SYNE2: variants seen among roughly 807,000 people sequenced by gnomAD.
The protein encoded by SYNE2 is nesprin-2.
Under a neutral mutation model 856.3 loss-of-function variants are expected in SYNE2, and 431 were observed. That is an observed-to-expected ratio of 0.50 (90% CI 0.47 to 0.55). SYNE2 has a LOEUF of 0.55. SYNE2 is among the 20% of genes least tolerant of loss of function. The pLI is 0.00. For missense variants in SYNE2, 8,129 were observed against 8,023.2 expected (o/e 1.01, Z -0.50); for synonymous variants, 2,923 against 2,872.3 (o/e 1.02, Z -0.56).
At chr14:64,076,905 G>A (rs188907177) in intron 54 of SYNE2, among the ~76,000 whole-genome samples, 4 of 151,954 alleles carry the variant, frequency 2.6e-5, no homozygotes, top group East Asian at 3.8e-4. Flanking sequence ...AACTCTTAAC[G>A]TATATTTATA....
chr14:63,956,151 C>A (rs569275567), intron 8 of SYNE2, among the ~76,000 whole-genome samples: 1 of 152,300 alleles, frequency 6.6e-6, no homozygotes, highest in Non-Finnish European at 1.5e-5. Context: ...CATTTGCAGA[C>A]TTCTGTGTGA....
chr14:64,145,002 C>T (rs1246981751), intron 83 of SYNE2, among the ~76,000 whole-genome samples: 1 of 149,420 alleles, frequency 6.7e-6, no homozygotes, highest in Non-Finnish European at 1.5e-5. Flanking sequence ...TCTCGGCTCA[C>T]TGCAACTTCC....
rs1441067424 is a variant in SYNE2, at chr14:64,051,820, A to G, written c.7907A>G (p.Gln2636Arg). Residue 2636 changes from glutamine (Q) to arginine (R), a missense_variant, in exon 48 of 116, where the codon CAG becomes CGG. By Grantham distance (43) the Gln-to-Arg change is conservative. Around this residue, in one of 3 missense-constraint regions of SYNE2, gnomAD observed 5,410 missense variants for 5,284.8 expected, o/e 1.02. Transcript: ENST00000555002. Reference sequence around the variant, plus strand: ...TTTACAACCCTCATGAATAAGGTACAGGACACTGAGATTTCTCTGCAACAG... The same window carrying G: ...TTTACAACCCTCATGAATAAGGTACGGGACACTGAGATTTCTCTGCAACAG... ...DEFTTLMNKV[Q>R]DTEISLQQQQ... is the part of the protein sequence containing the mutation. The G allele has an allele frequency of 6.2e-7, 1 of 1,614,146 alleles. No homozygotes were observed.
In SYNE2 at chr14:64,027,596, C is replaced by A. The variant is rs993825442; in HGVS notation, c.6517C>A (p.His2173Asn). Residue 2173 changes from histidine to asparagine, a missense_variant, in exon 43 of 116, where the codon CAT becomes AAT. By Grantham distance (68) the His-to-Asn change is moderately conservative (BLOSUM62 1). Around this residue, in one of 3 missense-constraint regions of SYNE2, gnomAD observed 297 missense variants for 380.9 expected, o/e 0.78. Transcript: ENST00000555002. ...KKQEAGFALQHGLQEKKAQLK... is the reference protein window; with the variant it reads ...KKQEAGFALQNGLQEKKAQLK... The stretch of plus-strand genomic sequence containing the variant: ...ACAGGAAGCAGGCTTTGCTCTACAA[C>A]ATGGTCTGCAGGAGAAGAAAGCTCA... The A allele has an allele frequency of 6.2e-7, 1 of 1,613,944 alleles. No individual in the cohort carries two copies. The highest frequency in any genetic ancestry group is 1.7e-5 in the Admixed American group (1 of 60,008).
At chr14:64,024,491 G>A (rs1181511414) in intron 39 of SYNE2, 32 bp downstream of exon 39, 5 of 1,590,934 alleles carry the variant, frequency 3.1e-6, no homozygotes, top group East Asian at 2.2e-5. Flanking sequence ...TAAATAACAT[G>A]TTTTCTAACC....
rs1422930999 is a variant in SYNE2, at chr14:64,076,023, A to G, written c.10945A>G (p.Met3649Val). Residue 3649 changes from methionine (M) to valine (V), a missense_variant, in exon 54 of 116, where the codon ATG becomes GTG. Physicochemically the swap from Met to Val is conservative, Grantham distance 21. Transcript: ENST00000555002. ...AAAACTGCGAATCAAGTATTCCGAAATGTACACCATAGTCCCTGCAGAGAT... is the reference window on the plus strand; with the variant it reads ...AAAACTGCGAATCAAGTATTCCGAAGTGTACACCATAGTCCCTGCAGAGAT... ...MEKLRIKYSEMYTIVPAEIES... is the reference protein window; with the variant it reads ...MEKLRIKYSEVYTIVPAEIES... 9 of 1,613,884 alleles carry G rather than the reference A, an allele frequency of 5.6e-6. No individual in the cohort carries two copies. The Admixed American group carries it at 8.3e-5, about 15-fold the overall frequency.
intron 2 of SYNE2, among the ~76,000 whole-genome samples, chr14:63,939,646 C>T (rs1017450194): frequency 6.6e-6 from 1 of 152,186 alleles, no homozygotes; most frequent in African/African-American, 2.4e-5. Flanking sequence ...CCACATCCGA[C>T]CCCTACCTGT....
At chr14:64,009,211 A>G (rs577115209) in intron 31 of SYNE2, among the ~76,000 whole-genome samples, 1 of 152,218 alleles carries the variant, frequency 6.6e-6, no homozygotes, top group East Asian at 1.9e-4. Flanking sequence ...ACGTTTTAAA[A>G]AAGACTAAAT....
intron 1 of SYNE2, among the ~76,000 whole-genome samples, chr14:63,876,589 G>A (rs1228232909): frequency 1.3e-5 from 2 of 151,544 alleles, no homozygotes; most frequent in African/African-American, 4.9e-5. Flanking sequence ...CCAGGTTCAT[G>A]CCATTCTCCT....
chr14:63,992,066 G>A (rs1023674614), intron 21 of SYNE2, among the ~76,000 whole-genome samples: 1 of 151,846 alleles, frequency 6.6e-6, no homozygotes, highest in Admixed American at 6.6e-5. Context: ...TTGATCTCAC[G>A]CCGTTTGAAT....
chr14:63,966,976 C>A lies in SYNE2; in HGVS notation c.991-733C>A, dbSNP rs561243080. 7.2e-5 allele frequency among the ~76,000 whole-genome samples: 11 copies of A among 152,210 alleles called. No homozygotes were observed. The East Asian group carries it at 2.1e-3, about 29-fold the overall frequency. ...TGCCTCCCTGGTTCAAGCGATTCTC[C>A]TGCCTCAGCCTCCCGAGTAGCTGGG... On this transcript the variant is annotated intron_variant, in intron 10 of 115. Transcript: ENST00000555002.
chr14:64,052,879 C>T lies in SYNE2; in HGVS notation c.8966C>T (p.Thr2989Ile), dbSNP rs754835013. The change falls in exon 48 of 116, where the codon ACC becomes ATC. Residue 2989 changes from threonine (T) to isoleucine (I), a missense_variant. Physicochemically the swap from Thr to Ile is moderately conservative, Grantham distance 89 (BLOSUM62 -1). Coordinates refer to ENST00000555002, the MANE Select transcript of SYNE2 (RefSeq NM_182914.3). Reference sequence around the variant, plus strand: ...ATCTATAATCTTAAAGACAGACTCACCGCTATTAAGTGTTGCATCTTACAG... The same window carrying T: ...ATCTATAATCTTAAAGACAGACTCATCGCTATTAAGTGTTGCATCTTACAG... ...EEIYNLKDRL[T>I]AIKCCILQVL... 1 of 1,613,772 alleles carries T rather than the reference C, an allele frequency of 6.2e-7. No homozygotes were observed. Among genetic ancestry groups the T allele is most frequent in the Non-Finnish European group, 8.5e-7 (1 of 1,179,956 alleles).
At chr14:63,957,810 C>CT (rs533194884) in intron 8 of SYNE2, among the ~76,000 whole-genome samples, 471 of 152,196 alleles carry the variant, frequency 3.1e-3, no homozygotes, top group African/African-American at 0.01. Flanking sequence ...TGAAGTTACT[C>CT]TTTTTTTCCC....
chr14:63,927,180 T>A (rs1336018866), intron 2 of SYNE2, among the ~76,000 whole-genome samples: 2 of 152,092 alleles, frequency 1.3e-5, no homozygotes, highest in Non-Finnish European at 2.9e-5. Flanking sequence ...TTCGGGTAAG[T>A]TTGGGACAGA....
Position 63,951,151 on chromosome 14 carries a change from G to A in SYNE2, c.590+1145G>A, listed in dbSNP as rs540665257. Among the ~76,000 whole-genome samples the A allele has an allele frequency of 2.3e-4, 35 of 152,158 alleles. 1 individual carries two copies. Among genetic ancestry groups the A allele is most frequent in the East Asian group, 1.9e-4 (1 of 5,178 alleles). On this transcript the variant is annotated intron_variant, in intron 7 of 115. Transcript: ENST00000555002. ...AGATCTCTCTACTAGAACAGCTGTC[G>A]AGTTCAAAAGGCATTTCTTGTCACA...
At chr14:63,841,786 T>G (rs2139930275) in intron 1 of SYNE2, among the ~76,000 whole-genome samples, 1 of 152,198 alleles carries the variant, frequency 6.6e-6, no homozygotes, top group Non-Finnish European at 1.5e-5. Flanking sequence ...TTCTGTGAAT[T>G]GTCTGTTCAT....
chr14:64,051,068 T>A (rs997058511), intron 47 of SYNE2, among the ~76,000 whole-genome samples: 22 of 152,116 alleles, frequency 1.4e-4, no homozygotes, highest in Admixed American at 2.6e-4. Context: ...AAATGGGGTT[T>A]ACTTTCAGTA....
At chr14:64,130,780 G>A (rs558586037) in intron 76 of SYNE2, among the ~76,000 whole-genome samples, 4 of 152,022 alleles carry the variant, frequency 2.6e-5, no homozygotes, top group South Asian at 2.1e-4. Context: ...AGCTACCTGG[G>A]AGGCTGAGGC....
intron 108 of SYNE2, among the ~76,000 whole-genome samples, chr14:64,217,605 C>A (rs908336305): frequency 6.6e-6 from 1 of 152,202 alleles, no homozygotes; most frequent in Non-Finnish European, 1.5e-5. Context: ...AGTCCCTGAC[C>A]TCTGCTTTAC....
Sources: gnomAD v4.1 joint callset for allele counts (sites outside exome capture counted in the v4.1 genomes callset) on GRCh38, gnomAD v4.1.1 for gene constraint, gnomAD v4.1.1 regional missense constraint, MANE v1.5 for transcripts, NCBI Gene and HGNC (gene_info 2026-07-23, HGNC 2026-07-21) for gene names.